SOX13: variants seen among roughly 807,000 people sequenced by gnomAD.
SOX13 encodes the protein SRY-box transcription factor 13, also known as transcription factor SOX-13.
Under a neutral mutation model 71.8 loss-of-function variants are expected in SOX13, and 28 were observed. That is an observed-to-expected ratio of 0.39 (90% CI 0.29 to 0.53). The LOEUF (loss-of-function observed/expected upper bound fraction) is 0.53, where lower values mean the gene tolerates loss of function less well. Among genes scored for constraint, SOX13 ranks in the 20% least tolerant of loss-of-function variants. The probability of loss-of-function intolerance (pLI) is 0.70; values close to 1 mark genes in which losing one functional copy is unlikely to be tolerated. For missense variants in SOX13, 627 were observed against 810.3 expected (o/e 0.77, Z 2.75); for synonymous variants, 309 against 317.8 (o/e 0.97, Z 0.29).
In SOX13 at chr1:204,122,970, TC is replaced by T. The variant is rs759477072; in HGVS notation, c.1134+12del. ...CAACACCCCCTTCCGTAAGGTATGGTCCCCCACTCCCTTGAGCCTAGGGGCA... is the reference window on the plus strand; with the variant it reads ...CAACACCCCCTTCCGTAAGGTATGGTCCCCACTCCCTTGAGCCTAGGGGCA... On this transcript the variant is annotated splice_region_variant and intron_variant, in intron 10 of 13. Transcript: ENST00000367204. The T allele has an allele frequency of 6.4e-7, 1 of 1,561,704 alleles. No homozygotes were observed. The highest frequency in any genetic ancestry group is 8.8e-7 in the Non-Finnish European group (1 of 1,141,790).
chr1:204,112,527 A>ACACACACACTCACTCACACT (rs34093119), intron 1 of SOX13, among the ~76,000 whole-genome samples: 1 of 147,790 alleles, frequency 6.8e-6, no homozygotes, highest in Non-Finnish European at 1.5e-5. Context: ...ACACACACAC[A>ACACACACACTCACTCACACT]CTTTCTCTCT....
chr1:204,114,649 C>A, intron 4 of SOX13, 44 bp downstream of exon 4: 2 of 1,456,908 alleles, frequency 1.4e-6, no homozygotes, highest in Non-Finnish European at 1.9e-6. Context: ...AACCCCATCT[C>A]TCTTCTCCTG....
intron 1 of SOX13, among the ~76,000 whole-genome samples, chr1:204,083,663 G>A (rs1655955586): frequency 6.6e-6 from 1 of 152,222 alleles, no homozygotes; most frequent in Non-Finnish European, 1.5e-5. Context: ...GCAAGAACTT[G>A]AGGTGGAGAT....
intron 5 of SOX13, 138 bp from the exon 6 acceptor site, chr1:204,116,984 C>A: frequency 1.1e-6 from 1 of 874,452 alleles, no homozygotes; most frequent in Non-Finnish European, 1.8e-6. Flanking sequence ...ATTCTGAGGG[C>A]TGACTGCTTT....
chr1:204,110,884 A>G (rs138362574), intron 1 of SOX13, among the ~76,000 whole-genome samples: 3 of 151,106 alleles, frequency 2.0e-5, no homozygotes, highest in African/African-American at 7.4e-5. Context: ...TACTTCCCCT[A>G]AACATCTAAT....
chr1:204,126,302 C>G lies in SOX13; in HGVS notation c.*168C>G. 1 of 742,070 alleles carries G rather than the reference C, an allele frequency of 1.3e-6. No individual in the cohort carries two copies. Among genetic ancestry groups the G allele is most frequent in the Non-Finnish European group, 2.2e-6 (1 of 459,544 alleles). The allele number at this position is 742,070 out of a possible 1,614,324, so 46.0% of individuals were successfully genotyped here. On this transcript the variant is annotated 3_prime_UTR_variant, in exon 14 of 14. Coordinates refer to ENST00000367204, the MANE Select transcript of SOX13 (RefSeq NM_005686.3). Reference sequence around the variant, plus strand: ...ACATTCATGAGGGGAGAGGCGCCCTCCCTTCCTGAGGAGCTGTTGGCCTGG... The same window carrying G: ...ACATTCATGAGGGGAGAGGCGCCCTGCCTTCCTGAGGAGCTGTTGGCCTGG...
intron 7 of SOX13, chr1:204,118,303 T>A (rs1450920284): frequency 1.3e-5 from 2 of 148,806 alleles, no homozygotes; most frequent in Non-Finnish European, 3.0e-5. Flanking sequence ...AAAAAAAAAA[T>A]CTGGAATATT....
intron 13 of SOX13, among the ~76,000 whole-genome samples, chr1:204,125,398 T>C (rs1203166416): frequency 6.6e-6 from 1 of 152,004 alleles, no homozygotes; most frequent in African/African-American, 2.4e-5. Context: ...AACCTCATCT[T>C]TAAATAAAAT....
intron 1 of SOX13, among the ~76,000 whole-genome samples, chr1:204,112,334 G>A (rs769359400): frequency 6.6e-6 from 1 of 152,000 alleles, no homozygotes; most frequent in Non-Finnish European, 1.5e-5. Flanking sequence ...CCAGCTACTC[G>A]GGAGGCTGAG....
intron 1 of SOX13, among the ~76,000 whole-genome samples, chr1:204,074,694 A>G (rs1655748816): frequency 1.3e-5 from 2 of 152,212 alleles, no homozygotes; most frequent in African/African-American, 4.8e-5. Flanking sequence ...GTTGCCGGAC[A>G]GTACCGGGCG....
At chr1:204,119,399 GTC>G (rs1656757665) in intron 7 of SOX13, 1 of 152,116 alleles carries the variant, frequency 6.6e-6, no homozygotes, top group African/African-American at 2.4e-5. Context: ...CACAGATGGC[GTC>G]TCTCACTGTG....
rs1387058359 is a variant in SOX13 at position 204,121,979 on chromosome 1, C to A, written c.855C>A (p.Pro285=). Residue 285 remains proline (P), a synonymous_variant, in exon 8 of 14, where the codon CCC becomes CCA. Coordinates refer to ENST00000367204, the MANE Select transcript of SOX13 (RefSeq NM_005686.3). ...CTGGGGCCATGGCCACCCACCACCC[C>A]CTGCAGGTACCGCCCTCTACCCACT... ...KRPGAMATHH[P]LQEPSQPLNL... 2 of 1,601,920 alleles carry A rather than the reference C, an allele frequency of 1.2e-6. No homozygotes were observed. Among genetic ancestry groups the A allele is most frequent in the African/African-American group, 1.3e-5 (1 of 74,830 alleles).
Position 204,124,795 on chromosome 1 carries a change from G to A in SOX13, c.1530G>A (p.Val510=), listed in dbSNP as rs1474314188. Residue 510 remains valine, a synonymous_variant, in exon 13 of 14, where the codon GTG becomes GTA. Transcript: ENST00000367204. The part of the protein sequence containing the change: ...TCIVEGKRLR[V]GEYKALMRTR... The stretch of plus-strand genomic sequence containing the variant: ...TCGTGGAGGGCAAGCGGCTGCGCGT[G>A]GGAGAGTACAAGGCCCTGATGAGGA... 1 of 1,595,060 alleles carries A rather than the reference G, an allele frequency of 6.3e-7. No homozygotes were observed. The highest frequency in any genetic ancestry group is 8.5e-7 in the Non-Finnish European group (1 of 1,171,418).
intron 1 of SOX13, among the ~76,000 whole-genome samples, chr1:204,097,104 T>A (rs1263047371): frequency 6.6e-6 from 1 of 152,142 alleles, no homozygotes; most frequent in African/African-American, 2.4e-5. Context: ...GTCCACTGAC[T>A]GTTAGGGGCC....
At chr1:204,085,514 C>T (rs1350367622) in intron 1 of SOX13, among the ~76,000 whole-genome samples, 1 of 152,120 alleles carries the variant, frequency 6.6e-6, no homozygotes, top group African/African-American at 2.4e-5. Context: ...AAGTACTGGA[C>T]ACCAGTGATG....
At chr1:204,112,440 C>CA (rs5780211) in intron 1 of SOX13, among the ~76,000 whole-genome samples, 113,018 of 139,660 alleles carry the variant, frequency 0.81, 47,143 homozygotes, top group Non-Finnish European at 0.91. Flanking sequence ...GACTCTGTCT[C>CA]AAAAAAAAAA....
At chr1:204,107,076 G>C (rs1229215014) in intron 1 of SOX13, among the ~76,000 whole-genome samples, 2 of 152,188 alleles carry the variant, frequency 1.3e-5, no homozygotes, top group East Asian at 3.9e-4. Flanking sequence ...TCTGACCCTA[G>C]AGGCTTTTCT....
In SOX13 at chr1:204,092,625, A is replaced by G. The variant is rs78183678; in HGVS notation, c.-2+18914A>G. Among the ~76,000 whole-genome samples the G allele has an allele frequency of 8.4e-3, 1,273 of 152,288 alleles. 16 individuals are homozygous for G. The highest frequency in any genetic ancestry group is 0.029 in the African/African-American group (1,219 of 41,558). On this transcript the variant is annotated intron_variant, in intron 1 of 13. Coordinates refer to ENST00000367204, the MANE Select transcript of SOX13 (RefSeq NM_005686.3). ...ACCTGGAGTATAGAAGGCTTTGGTA[A>G]GTGGGAGCTGATATTAGTGTGATGG... is the stretch of plus-strand genomic sequence containing the variant.
At chr1:204,122,440 A>G in intron 9 of SOX13, 41 bp downstream of exon 9, 1 of 1,528,354 alleles carries the variant, frequency 6.5e-7, no homozygotes, top group Non-Finnish European at 8.8e-7. Context: ...CAGCCCTCTT[A>G]GGGGAGAGCC....
Sources: allele counts gnomAD v4.1 joint callset (sites outside exome capture counted in the v4.1 genomes callset), GRCh38; gene constraint gnomAD v4.1.1; transcripts MANE v1.5; gene names NCBI Gene and HGNC (gene_info 2026-07-23, HGNC 2026-07-21).